FLT1: variants seen among roughly 807,000 people sequenced by gnomAD.
FLT1 encodes the protein vascular endothelial growth factor receptor 1.
In FLT1, 49 loss-of-function variants were observed where a neutral mutation model predicts 156.3. The ratio of observed to expected loss-of-function variants is 0.31; its 90% CI spans 0.25 to 0.40. The LOEUF is 0.40. Among genes scored for constraint, FLT1 ranks in the 10% least tolerant of loss-of-function variants. FLT1 has a pLI of 1.00. For missense variants in FLT1, 1,322 were observed against 1,637.2 expected, an observed-to-expected ratio of 0.81 and a Z score of 3.32; for synonymous variants, 594 against 583.8, an observed-to-expected ratio of 1.02 and a Z score of -0.25.
At chr13:28,321,426 G>T in intron 23 of FLT1, 37 bp downstream of exon 23, 2 of 1,609,746 alleles carry the variant, frequency 1.2e-6, no homozygotes, top group Non-Finnish European at 1.7e-6. Context: ...AAAGTGATAG[G>T]ACACACATGA....
At chr13:28,489,675 G>A (rs677471) in intron 1 of FLT1, among the ~76,000 whole-genome samples, 92,421 of 151,924 alleles carry the variant, frequency 0.61, 28,397 homozygotes, top group Admixed American at 0.67. Flanking sequence ...AAGTGAAGGC[G>A]CCTCTGAAGA....
At chr13:28,308,814 G>A (rs769776997) in intron 28 of FLT1, 29 bp downstream of exon 28, 8 of 1,372,258 alleles carry the variant, frequency 5.8e-6, no homozygotes, top group Admixed American at 1.7e-5. Context: ...CTATCGGGGT[G>A]CACTAGGTAC....
intron 1 of FLT1, 32 bp from the exon 2 acceptor site, chr13:28,467,649 G>A (rs1367116964): frequency 8.2e-7 from 1 of 1,221,858 alleles, no homozygotes; most frequent in Non-Finnish European, 1.2e-6. Flanking sequence ...TGTATTATTT[G>A]TAAATTGTCT....
At chr13:28,387,327 A>C in intron 13 of FLT1, 5 of 1,046,908 alleles carry the variant, frequency 4.8e-6, no homozygotes, top group Non-Finnish European at 5.8e-6. Context: ...TCAACCCAAG[A>C]ATCATATTTT....
chr13:28,407,210 G>A lies in FLT1; in HGVS notation c.1437-1316C>T, dbSNP rs374249298. On this transcript the variant is annotated intron_variant, in intron 10 of 29. Transcript: ENST00000282397. ...TTGCACACATGCAGACAGGCACAAG[G>A]TACCCGAAGTTGTTTTTGCTAAGAG... Among the ~76,000 whole-genome samples the A allele has an allele frequency of 3.9e-4, 59 of 152,190 alleles. No homozygotes were observed. The East Asian group carries it at 0.011, about 27-fold the overall frequency.
At chr13:28,458,160 A>C (rs1244335143) in intron 3 of FLT1, among the ~76,000 whole-genome samples, 1 of 151,928 alleles carries the variant, frequency 6.6e-6, no homozygotes, top group East Asian at 1.9e-4. Flanking sequence ...TGGTGACCCC[A>C]AGTCATCTGC....
intron 1 of FLT1, among the ~76,000 whole-genome samples, chr13:28,485,935 A>C (rs1166456163): frequency 6.6e-6 from 1 of 152,242 alleles, no homozygotes; most frequent in Non-Finnish European, 1.5e-5. Context: ...ACCCGAAGGG[A>C]AACTACTCAG....
At chr13:28,345,206 C>T (rs1249405502) in intron 16 of FLT1, among the ~76,000 whole-genome samples, 1 of 152,032 alleles carries the variant, frequency 6.6e-6, no homozygotes, top group Admixed American at 6.6e-5. Context: ...TCAAAAATAC[C>T]TTCTGTCCCT....
intron 15 of FLT1, among the ~76,000 whole-genome samples, chr13:28,353,063 T>C (rs1416105575): frequency 2.6e-5 from 4 of 152,210 alleles, no homozygotes; most frequent in Non-Finnish European, 4.4e-5. Context: ...CTCAAACAAG[T>C]GACAACGTGC....
intron 1 of FLT1, among the ~76,000 whole-genome samples, chr13:28,493,045 A>G (rs1263114551): frequency 1.3e-5 from 2 of 152,198 alleles, no homozygotes; most frequent in Non-Finnish European, 2.9e-5. Context: ...ACATTTCTGT[A>G]AAGTTTCCAC....
rs748767534 is a variant in FLT1, at chr13:28,322,892, G to C, written c.2851C>G (p.Gln951Glu). The change falls in exon 21 of 30, where the codon CAA (glutamine) becomes GAA (glutamate). Residue 951 changes from glutamine to glutamate, a missense_variant. By Grantham distance (29) the Gln-to-Glu change is conservative. Around this residue, in one of 3 missense-constraint regions of FLT1, gnomAD observed 991 missense variants for 1,254.8 expected, o/e 0.79. Transcript: ENST00000282397. This position sits in a 1 kb window ranked among gnomAD's most constrained non-coding sequence, Gnocchi z 4.3. ...CTATCTAGTCTTGGTTTCTTGCCTT[G>C]TTCCAGGCCTGGCTCCATTTTTTCT... ...KKEKMEPGLEQGKKPRLDSVT... is the reference protein window; with the variant it reads ...KKEKMEPGLEEGKKPRLDSVT... The C allele has an allele frequency of 1.2e-6, 2 of 1,614,112 alleles. No individual in the cohort carries two copies. The highest frequency in any genetic ancestry group is 4.5e-5 in the East Asian group (2 of 44,884).
intron 14 of FLT1, among the ~76,000 whole-genome samples, chr13:28,367,250 T>C (rs940668249): frequency 6.6e-6 from 1 of 152,248 alleles, no homozygotes; most frequent in South Asian, 2.1e-4. Flanking sequence ...GGTGGTTTTA[T>C]GCGTTTGCTA....
At chr13:28,460,241 G>A (rs763201769) in intron 3 of FLT1, among the ~76,000 whole-genome samples, 5 of 152,122 alleles carry the variant, frequency 3.3e-5, no homozygotes, top group Non-Finnish European at 5.9e-5. Context: ...TCCCCATTAG[G>A]GGCTATTAAC....
intron 3 of FLT1, among the ~76,000 whole-genome samples, chr13:28,461,861 A>T (rs936972595): frequency 6.6e-5 from 10 of 152,220 alleles, no homozygotes; most frequent in African/African-American, 2.4e-4. Flanking sequence ...TGCAAATCTC[A>T]TGAGTTTTAT....
At chr13:28,400,344 C>T (rs1268318424) in intron 11 of FLT1, among the ~76,000 whole-genome samples, 1 of 152,044 alleles carries the variant, frequency 6.6e-6, no homozygotes, top group Non-Finnish European at 1.5e-5. Flanking sequence ...TTGATAAATA[C>T]AATGGTTATC....
chr13:28,468,836 C>A (rs1879992399), intron 1 of FLT1, among the ~76,000 whole-genome samples: 1 of 152,190 alleles, frequency 6.6e-6, no homozygotes, highest in African/African-American at 2.4e-5. Context: ...AACTGTGAGT[C>A]AATTATACCT....
Position 28,433,895 on chromosome 13 carries a change from T to C in FLT1, c.737A>G (p.His246Arg), listed in dbSNP as rs1281753273. 1.9e-6 allele frequency: 3 copies of C among 1,613,962 alleles called. No individual in the cohort carries two copies. In the East Asian group the frequency reaches 6.7e-5, roughly 36 times the overall value. The change falls in exon 6 of 30, where the codon CAT (histidine) becomes CGT (arginine). Residue 246 changes from histidine to arginine, a missense_variant. Around this residue, in one of 3 missense-constraint regions of FLT1, gnomAD observed 991 missense variants for 1,254.8 expected, o/e 0.79. Transcript: ENST00000282397. ...AGCAGTACAATTGAGGACAAGAGTATGGCCTCTAAGTAATTTGACTGGGCG... is the reference window on the plus strand; with the variant it reads ...AGCAGTACAATTGAGGACAAGAGTACGGCCTCTAAGTAATTTGACTGGGCG... ...TPRPVKLLRG[H>R]TLVLNCTATT...
chr13:28,368,431 C>A, intron 14 of FLT1: 26 of 1,458,072 alleles, frequency 1.8e-5, no homozygotes, highest in Non-Finnish European at 2.3e-5. Context: ...GGATTACAGG[C>A]GTGAGCCACC....
intron 6 of FLT1, 41 bp downstream of exon 6, chr13:28,433,778 A>AT: frequency 6.2e-7 from 1 of 1,601,226 alleles, no homozygotes; most frequent in South Asian, 1.1e-5. Context: ...ACTTGCTTAA[A>AT]ATACTGTCCT....
Sources: allele counts gnomAD v4.1 joint callset (sites outside exome capture counted in the v4.1 genomes callset), GRCh38; gene constraint gnomAD v4.1.1; regional missense constraint gnomAD v4.1.1; non-coding constraint Gnocchi (gnomAD v3.1); transcripts MANE v1.5; gene names NCBI Gene and HGNC (gene_info 2026-07-23, HGNC 2026-07-21).